The following RABEP1 variants were observed in gnomAD, a reference collection of about 807,000 sequenced individuals.
The protein encoded by RABEP1 is rabaptin, RAB GTPase binding effector protein 1, also known as rab GTPase-binding effector protein 1.
A neutral mutation model predicts 123.4 loss-of-function variants in RABEP1; 51 were observed. The ratio of observed to expected loss-of-function variants is 0.41; its 90% CI spans 0.33 to 0.52. The LOEUF (loss-of-function observed/expected upper bound fraction) is 0.52, where lower values mean the gene tolerates loss of function less well. Ranked by LOEUF, RABEP1 falls within the 20% of genes least tolerant of loss-of-function variation. The pLI is 0.16. For synonymous variants in RABEP1, 347 were observed against 355.2 expected (o/e 0.98, Z 0.26); for missense variants, 888 against 996.3 (o/e 0.89, Z 1.46).
chr17:5,340,357 A>T (rs182964900), intron 5 of RABEP1, among the ~76,000 whole-genome samples: 40 of 152,340 alleles, frequency 2.6e-4, no homozygotes, highest in Admixed American at 2.6e-3. Context: ...TATGGCTATT[A>T]TGAGGAACAT....
chr17:5,365,077 AT>A (rs751714266), intron 10 of RABEP1, 44 bp from the exon 11 acceptor site: 1 of 1,312,726 alleles, frequency 7.6e-7, no homozygotes, highest in African/African-American at 1.5e-5. Flanking sequence ...AAAAAAAATT[AT>A]AAAAGGATTC....
At chr17:5,316,187 A>G (rs2075293023) in intron 2 of RABEP1, among the ~76,000 whole-genome samples, 1 of 152,180 alleles carries the variant, frequency 6.6e-6, no homozygotes, top group Non-Finnish European at 1.5e-5. Context: ...GCAGTGGCTC[A>G]TGCCTGTAAT....
intron 5 of RABEP1, among the ~76,000 whole-genome samples, chr17:5,345,607 G>A (rs982259009): frequency 1.3e-5 from 2 of 152,172 alleles, no homozygotes; most frequent in East Asian, 1.9e-4. Context: ...AATTACCACC[G>A]TCCTCAGGTG....
At chr17:5,348,195 T>A (rs1908234496) in intron 6 of RABEP1, among the ~76,000 whole-genome samples, 1 of 152,228 alleles carries the variant, frequency 6.6e-6, no homozygotes, top group African/African-American at 2.4e-5. Context: ...GTCAGGCTGG[T>A]CTTGAACTCC....
At chr17:5,332,596 A>ATATTTTTT in intron 3 of RABEP1, among the ~76,000 whole-genome samples, 1 of 105,914 alleles carries the variant, frequency 9.4e-6, no homozygotes. Context: ...ACGTTTTAGA[A>ATATTTTTT]TTTTTTTTTT....
At chr17:5,319,411 G>T (rs891708008) in intron 2 of RABEP1, among the ~76,000 whole-genome samples, 1 of 151,118 alleles carries the variant, frequency 6.6e-6, no homozygotes, top group African/African-American at 2.4e-5. Context: ...TCATCACCCA[G>T]GCTGGAGTGC....
intron 1 of RABEP1, among the ~76,000 whole-genome samples, chr17:5,293,111 AC>A (rs1467281826): frequency 4.6e-5 from 7 of 151,680 alleles, no homozygotes; most frequent in Non-Finnish European, 1.0e-4. Context: ...CTAACATGAA[AC>A]CCCGTCTCTA....
intron 1 of RABEP1, among the ~76,000 whole-genome samples, chr17:5,292,311 A>T (rs548102757): frequency 5.3e-5 from 8 of 152,190 alleles, no homozygotes; most frequent in Middle Eastern, 3.4e-3. Flanking sequence ...TTGATTTTTT[A>T]AAAAATATAT....
chr17:5,290,002 C>T (rs148452694), intron 1 of RABEP1, among the ~76,000 whole-genome samples: 2 of 152,134 alleles, frequency 1.3e-5, no homozygotes, highest in African/African-American at 4.8e-5. Context: ...TAAAATATCT[C>T]CATTTATCAT....
intron 1 of RABEP1, among the ~76,000 whole-genome samples, chr17:5,288,756 T>C (rs1461060190): frequency 6.6e-6 from 1 of 152,000 alleles, no homozygotes; most frequent in East Asian, 1.9e-4. Context: ...CAGGCTGGAG[T>C]GCAGTGGTGT....
chr17:5,383,026 C>G (rs1911624361), intron 17 of RABEP1, 96 bp from the exon 18 acceptor site: 2 of 915,984 alleles, frequency 2.2e-6, no homozygotes. Flanking sequence ...GACTAGTACT[C>G]TGGTGAGTTA....
Position 5,365,233 on chromosome 17 carries a change from C to A in RABEP1, c.1780C>A (p.His594Asn). 6.2e-7 allele frequency: 1 copy of A among 1,603,884 alleles called. No individual in the cohort carries two copies. Among genetic ancestry groups the A allele is most frequent in the South Asian group, 1.1e-5 (1 of 89,610 alleles). ...AAAGCAAAGCAGCGAAGATTCGAGT[C>A]ACCAGGTAAGGGAGGGTTTATAGAC... is the stretch of plus-strand genomic sequence containing the variant. Reference protein sequence around the residue: ...FIKQSSEDSSHQISALVLRAQ... With the variant: ...FIKQSSEDSSNQISALVLRAQ... Residue 594 changes from histidine to asparagine, a missense_variant, in exon 11 of 18, where the codon CAC (histidine) becomes AAC (asparagine). Transcript: ENST00000537505.
At chr17:5,296,111 G>A (rs1035924844) in intron 1 of RABEP1, among the ~76,000 whole-genome samples, 1 of 152,096 alleles carries the variant, frequency 6.6e-6, no homozygotes, top group Non-Finnish European at 1.5e-5. Flanking sequence ...TTGTTTTTGC[G>A]CACTTCAGAT....
chr17:5,375,869 T>C (rs893799134), intron 13 of RABEP1, among the ~76,000 whole-genome samples: 1 of 148,612 alleles, frequency 6.7e-6, no homozygotes, highest in African/African-American at 2.4e-5. Flanking sequence ...TCATTTTATT[T>C]ATTTATTTAT....
At chr17:5,359,019 C>G (rs1909263759) in intron 8 of RABEP1, among the ~76,000 whole-genome samples, 1 of 152,000 alleles carries the variant, frequency 6.6e-6, no homozygotes, top group Non-Finnish European at 1.5e-5. Context: ...ACCTCAGCCT[C>G]CCAAAGTGTT....
chr17:5,286,365 G>T (rs1030928481), intron 1 of RABEP1, among the ~76,000 whole-genome samples: 2 of 152,040 alleles, frequency 1.3e-5, no homozygotes, highest in Admixed American at 1.3e-4. Flanking sequence ...GTGGTGGTGC[G>T]CACCTGTAGT....
At position 5,378,207 on chromosome 17, in the gene RABEP1, A is replaced by G; in HGVS notation, c.2246A>G (p.Glu749Gly). 1 of 1,593,500 alleles carries G rather than the reference A, an allele frequency of 6.3e-7. No individual in the cohort carries two copies. The highest frequency in any genetic ancestry group is 8.6e-7 in the Non-Finnish European group (1 of 1,161,358). ...ASISSLKAELERIKVEKGQLE... is the reference protein window; with the variant it reads ...ASISSLKAELGRIKVEKGQLE... ...ATTTCTAGCCTAAAAGCTGAATTAG[A>G]AAGAATAAAAGTGGAAAAAGGACAG... Residue 749 changes from glutamate (E) to glycine (G), a missense_variant, in exon 15 of 18, where the codon GAA becomes GGA. Physicochemically the swap from Glu to Gly is moderately conservative, Grantham distance 98. Transcript: ENST00000537505.
At position 5,282,506 on chromosome 17, in the gene RABEP1, C is replaced by T. The variant is rs1175528796; in HGVS notation, c.20C>T (p.Ala7Val). Residue 7 changes from alanine to valine, a missense_variant, in exon 1 of 18, where the codon GCT (alanine) becomes GTT (valine). By Grantham distance (64) the Ala-to-Val change is moderately conservative. Coordinates refer to ENST00000537505, the MANE Select transcript of RABEP1 (RefSeq NM_004703.6). ...CTGGTCATGGCGCAGCCGGGCCCGG[C>T]TTCCCAGCCTGACGGTGAGGCGCCC... MAQPGP[A>V]SQPDVSLQQR... The T allele has an allele frequency of 4.8e-6, 6 of 1,259,502 alleles. No homozygotes were observed. The South Asian group carries it at 1.5e-4, about 31-fold the overall frequency. The allele number at this position is 1,259,502 out of a possible 1,614,324, so 78.0% of individuals were successfully genotyped here. A position where few individuals can be genotyped will look rare whatever the true frequency, so the allele number is the denominator to read the frequency against.
chr17:5,314,567 G>A (rs1313252457), intron 2 of RABEP1, among the ~76,000 whole-genome samples: 2 of 146,816 alleles, frequency 1.4e-5, no homozygotes, highest in African/African-American at 5.1e-5. Context: ...CACCCAGGCT[G>A]GAGTGCAGTG....
Sources: gnomAD v4.1 joint callset for allele counts (sites outside exome capture counted in the v4.1 genomes callset) on GRCh38, gnomAD v4.1.1 for gene constraint, MANE v1.5 for transcripts, NCBI Gene and HGNC (gene_info 2026-07-23, HGNC 2026-07-21) for gene names.